Variants in NCOR1 observed in about 807,000 individuals in gnomAD.
NCOR1 encodes the protein protein phosphatase 1, regulatory subunit 109.
Under a neutral mutation model 288.1 loss-of-function variants are expected in NCOR1, and 63 were observed. That is an observed-to-expected ratio of 0.22 (90% confidence interval 0.18 to 0.27). The LOEUF is 0.27. Among genes scored for constraint, NCOR1 ranks in the 10% least tolerant of loss-of-function variants. The pLI, the probability that NCOR1 is intolerant of heterozygous loss-of-function variation, is 1.00. For synonymous variants in NCOR1, 1,007 were observed against 1,065.9 expected (o/e 0.94, Z 1.08); for missense variants, 2,397 against 3,019.2 (o/e 0.79, Z 4.83).
intron 19 of NCOR1, among the ~76,000 whole-genome samples, chr17:16,104,155 T>G (rs1380391544): frequency 2.0e-5 from 3 of 152,206 alleles, no homozygotes; most frequent in African/African-American, 7.2e-5. Context: ...ATAAACTCCA[T>G]GAAGACAGAG....
intron 40 of NCOR1, 118 bp from the exon 41 acceptor site, chr17:16,049,106 T>G: frequency 8.8e-7 from 1 of 1,135,862 alleles, no homozygotes; most frequent in East Asian, 2.6e-5. Flanking sequence ...TGCCAATTTC[T>G]ATCAGAAAAA....
At chr17:16,083,695 G>A (rs1032308386) in intron 23 of NCOR1, among the ~76,000 whole-genome samples, 1 of 151,912 alleles carries the variant, frequency 6.6e-6, no homozygotes, top group Non-Finnish European at 1.5e-5. Flanking sequence ...TTCTGGGGAG[G>A]CAGTGCTGAG....
intron 18 of NCOR1, among the ~76,000 whole-genome samples, chr17:16,116,179 C>T (rs916354738): frequency 3.3e-5 from 5 of 152,134 alleles, no homozygotes; most frequent in African/African-American, 9.7e-5. Context: ...AAGGCCTGCC[C>T]CATGATTCAA....
intron 27 of NCOR1, among the ~76,000 whole-genome samples, chr17:16,073,890 A>C (rs1351515431): frequency 1.3e-5 from 2 of 152,364 alleles, no homozygotes. Flanking sequence ...ATAATGTGCT[A>C]TGAAAATGCT....
intron 5 of NCOR1, among the ~76,000 whole-genome samples, chr17:16,161,704 C>T (rs1385226359): frequency 1.3e-5 from 2 of 152,156 alleles, no homozygotes; most frequent in African/African-American, 2.4e-5. Context: ...CCAAGATGAA[C>T]ACAGAACATT....
intron 1 of NCOR1, among the ~76,000 whole-genome samples, chr17:16,197,589 GA>G (rs2090079242): frequency 6.6e-6 from 1 of 152,150 alleles, no homozygotes; most frequent in African/African-American, 2.4e-5. Flanking sequence ...GAAGATCAGA[GA>G]AAGTCAATAA....
chr17:16,078,758 T>C (rs1186224402), intron 26 of NCOR1, among the ~76,000 whole-genome samples: 2 of 152,102 alleles, frequency 1.3e-5, no homozygotes, highest in Admixed American at 1.3e-4. Flanking sequence ...GTATTTTTAG[T>C]AGAGACGGGG....
At chr17:16,045,157 G>A (rs1597783225) in intron 42 of NCOR1, 1 of 205,484 alleles carries the variant, frequency 4.9e-6, no homozygotes, top group Non-Finnish European at 9.8e-6. Context: ...TCAACCCAGA[G>A]GAAAAAGGTT....
intron 44 of NCOR1, among the ~76,000 whole-genome samples, chr17:16,036,680 C>T (rs1025767297): frequency 6.6e-6 from 1 of 152,216 alleles, no homozygotes; most frequent in Non-Finnish European, 1.5e-5. Flanking sequence ...CCTCTGCTAG[C>T]TTCAGCCTTC....
intron 16 of NCOR1, among the ~76,000 whole-genome samples, chr17:16,120,256 G>T (rs753656341): frequency 1.3e-5 from 2 of 152,028 alleles, no homozygotes; most frequent in Non-Finnish European, 2.9e-5. Context: ...TGTCTAAACT[G>T]ACCTCCACAA....
chr17:16,070,366 C>T lies in NCOR1; in HGVS notation c.4312G>A (p.Val1438Met), dbSNP rs766927622. 5 of 1,614,072 alleles carry T rather than the reference C, an allele frequency of 3.1e-6. No homozygotes were observed. Among genetic ancestry groups the T allele is most frequent in the Middle Eastern group, 3.3e-4 (2 of 6,084 alleles). ...GAACGCACGGTCTCGCCTGCTTTCA[C>T]ATCCTCATATTTTCCCCGTTCTACC... is the stretch of plus-strand genomic sequence containing the variant. ...KVVERGKYED[V>M]KAGETVRSRH... The change falls in exon 31 of 46, where the codon GTG becomes ATG. Residue 1438 changes from valine to methionine, a missense_variant. Val to Met is a conservative substitution (Grantham distance 21). This residue lies in a region of NCOR1 where 1,872 missense variants were observed against 2,187.8 expected (regional missense o/e 0.86). Coordinates refer to ENST00000268712, the MANE Select transcript of NCOR1 (RefSeq NM_006311.4).
chr17:16,143,469 C>A (rs1568300970), intron 11 of NCOR1, 137 bp downstream of exon 11: 3 of 632,932 alleles, frequency 4.7e-6, no homozygotes, highest in East Asian at 5.8e-5. Context: ...CTTTAACAGA[C>A]ACTCAAATCT....
intron 21 of NCOR1, among the ~76,000 whole-genome samples, chr17:16,095,409 G>T (rs1481195870): frequency 6.9e-6 from 1 of 144,730 alleles, no homozygotes; most frequent in Non-Finnish European, 1.5e-5. Flanking sequence ...GTCAGCCCCC[G>T]CCAGGCCAGC....
intron 14 of NCOR1, among the ~76,000 whole-genome samples, chr17:16,134,429 CCT>C (rs575231819): frequency 7.5e-4 from 114 of 152,298 alleles, no homozygotes; most frequent in African/African-American, 2.7e-3. Flanking sequence ...ACTGAGCCTA[CCT>C]GGGGGTAAGC....
intron 22 of NCOR1, among the ~76,000 whole-genome samples, chr17:16,089,114 C>A (rs1598414360): frequency 6.7e-6 from 1 of 148,476 alleles, no homozygotes. Flanking sequence ...ATCCACTGGT[C>A]ATAGTAGTGG....
intron 2 of NCOR1, chr17:16,192,293 C>T (rs2088593216): frequency 6.6e-6 from 1 of 151,124 alleles, no homozygotes; most frequent in Non-Finnish European, 1.5e-5. Flanking sequence ...GCAGGCAGAT[C>T]ACTTGAGGCC....
intron 41 of NCOR1, among the ~76,000 whole-genome samples, chr17:16,047,766 G>A (rs1452411770): frequency 6.6e-6 from 1 of 152,094 alleles, no homozygotes; most frequent in Non-Finnish European, 1.5e-5. Flanking sequence ...TGAGAACAGA[G>A]ACTATAGGTT....
intron 18 of NCOR1, among the ~76,000 whole-genome samples, chr17:16,109,887 C>T (rs2069642355): frequency 6.6e-6 from 1 of 152,142 alleles, no homozygotes; most frequent in African/African-American, 2.4e-5. Context: ...GCACCCGCCA[C>T]CAGGCCCAGC....
chr17:16,034,968 GTATTAA>G, intron 44 of NCOR1, 24 bp from the exon 45 acceptor site: 2 of 1,608,298 alleles, frequency 1.2e-6, no homozygotes, highest in Non-Finnish European at 1.7e-6. Context: ...TCAAGTTAAA[GTATTAA>G]TATATTAAGT....
Sources: gnomAD v4.1 joint callset for allele counts (sites outside exome capture counted in the v4.1 genomes callset) on GRCh38, gnomAD v4.1.1 for gene constraint, gnomAD v4.1.1 regional missense constraint, MANE v1.5 for transcripts, NCBI Gene and HGNC (gene_info 2026-07-23, HGNC 2026-07-21) for gene names.